UHRF2: variants seen among roughly 807,000 people sequenced by gnomAD.
UHRF2 encodes ubiquitin like with PHD and ring finger domains 2.
In UHRF2, 23 loss-of-function variants were observed where a neutral mutation model predicts 96.8. The observed-to-expected ratio is 0.24, with a 90% CI of 0.17 to 0.34. The LOEUF (loss-of-function observed/expected upper bound fraction) is 0.34. Among genes scored for constraint, UHRF2 ranks in the 10% least tolerant of loss-of-function variants. UHRF2 has a pLI of 1.00. For missense variants in UHRF2, 685 were observed against 981.5 expected (o/e 0.70, Z 4.04); for synonymous variants, 385 against 332.6 (o/e 1.16, Z -1.72).
intron 3 of UHRF2, 173 bp downstream of exon 3, chr9:6,434,346 C>G (rs1587785449): frequency 4.5e-6 from 3 of 665,392 alleles, no homozygotes; most frequent in Admixed American, 3.4e-5. Context: ...CCTTTTAGCT[C>G]TCGATTATCT....
intron 9 of UHRF2, 83 bp from the exon 10 acceptor site, chr9:6,493,743 T>C: frequency 8.3e-7 from 1 of 1,205,802 alleles, no homozygotes; most frequent in South Asian, 1.6e-5. Flanking sequence ...AACATCCTAA[T>C]GAAATGTTTT....
chr9:6,500,855 ATC>A (rs1816254980), intron 14 of UHRF2, 146 bp downstream of exon 14: 3 of 717,488 alleles, frequency 4.2e-6, no homozygotes, highest in Non-Finnish European at 6.6e-6. Context: ...TTCAGAAATA[ATC>A]TGAGGCAACA....
At chr9:6,500,861 G>A (rs1816255334) in intron 14 of UHRF2, 152 bp downstream of exon 14, 1 of 690,636 alleles carries the variant, frequency 1.4e-6, no homozygotes. Context: ...AATAATCTGA[G>A]GCAACACATA....
chr9:6,503,534 CATT>C (rs1176311952), intron 14 of UHRF2, among the ~76,000 whole-genome samples: 1 of 151,900 alleles, frequency 6.6e-6, no homozygotes, highest in Non-Finnish European at 1.5e-5. Context: ...TGTAAATAAA[CATT>C]AGCATCAGGA....
intron 9 of UHRF2, among the ~76,000 whole-genome samples, chr9:6,491,752 C>A (rs1824671451): frequency 6.6e-6 from 1 of 152,098 alleles, no homozygotes; most frequent in African/African-American, 2.4e-5. Flanking sequence ...GTGCTGTGTC[C>A]CTTGTGCAGA....
chr9:6,467,825 T>C (rs1822971331), intron 4 of UHRF2, among the ~76,000 whole-genome samples: 1 of 152,110 alleles, frequency 6.6e-6, no homozygotes, highest in African/African-American at 2.4e-5. Flanking sequence ...TCCTAGCTTA[T>C]CATTTAATTC....
chr9:6,438,812 A>G lies in UHRF2; in HGVS notation c.644+4639A>G, dbSNP rs1002390968. 5.9e-5 allele frequency among the ~76,000 whole-genome samples: 9 copies of G among 152,296 alleles called. No individual in the cohort carries two copies. In the East Asian group the frequency reaches 1.7e-3, roughly 29 times the overall value. ...TCATTAAAACAGAATTCGTTGCTGA[A>G]TTAGGCCAAGATAAATAGCTATTCT... is the stretch of plus-strand genomic sequence containing the variant. On this transcript the variant is annotated intron_variant, in intron 3 of 15. Coordinates refer to ENST00000276893, the MANE Select transcript of UHRF2 (RefSeq NM_152896.3).
Position 6,421,014 on chromosome 9 carries a change from C to G in UHRF2, c.256C>G (p.Gln86Glu). ...DPDHLPGTSTQIEAKPCSNSP... is the reference protein window; with the variant it reads ...DPDHLPGTSTEIEAKPCSNSP... The stretch of plus-strand genomic sequence containing the variant: ...TGATCATCTTCCTGGCACATCTACA[C>G]AGATTGAGGCTAAACCCTGTTCTAA... The change falls in exon 2 of 16, where the codon CAG (glutamine) becomes GAG (glutamate). Residue 86 changes from glutamine to glutamate, a missense_variant. By Grantham distance (29) the Gln-to-Glu change is conservative. Transcript: ENST00000276893. 1 of 1,614,158 alleles carries G rather than the reference C, an allele frequency of 6.2e-7. No homozygotes were observed.
chr9:6,457,758 A>G (rs1278550382), intron 3 of UHRF2, among the ~76,000 whole-genome samples: 1 of 152,212 alleles, frequency 6.6e-6, no homozygotes, highest in Non-Finnish European at 1.5e-5. Flanking sequence ...GTCTGTTAAG[A>G]TAATCATGTG....
At chr9:6,468,734 G>C (rs1823032197) in intron 4 of UHRF2, 1 of 455,424 alleles carries the variant, frequency 2.2e-6, no homozygotes, top group Non-Finnish European at 4.4e-6. Context: ...AGCAGTCTTA[G>C]AAGGCATACA....
intron 1 of UHRF2, among the ~76,000 whole-genome samples, chr9:6,419,913 T>C (rs1207668152): frequency 6.6e-6 from 1 of 151,916 alleles, no homozygotes; most frequent in African/African-American, 2.4e-5. Context: ...CTACGTTTTT[T>C]TATTTATTTA....
Position 6,434,059 on chromosome 9 carries a change from A to T in UHRF2, c.530A>T (p.Asn177Ile). The change falls in exon 3 of 16, where the codon AAT becomes ATT. Residue 177 changes from asparagine to isoleucine, a missense_variant. Asn to Ile is a moderately radical substitution (Grantham distance 149, BLOSUM62 -3). This residue lies in a region of UHRF2 where 391 missense variants were observed against 437.0 expected (regional missense o/e 0.89). Transcript: ENST00000276893. ...NGSSCKRTNG[N>I]IKHKSKENTN... The stretch of plus-strand genomic sequence containing the variant: ...AGTTCTTGTAAAAGGACTAATGGAA[A>T]TATAAAGCATAAATCCAAAGAGAAC... 6.2e-7 allele frequency: 1 copy of T among 1,614,174 alleles called. No homozygotes were observed. Among genetic ancestry groups the T allele is most frequent in the Non-Finnish European group, 8.5e-7 (1 of 1,180,024 alleles).
At chr9:6,481,563 T>C in intron 6 of UHRF2, 80 bp from the exon 7 acceptor site, 3 of 1,528,360 alleles carry the variant, frequency 2.0e-6, no homozygotes, top group Middle Eastern at 2.4e-4. Flanking sequence ...AACTTGCTCT[T>C]ACCTAGGAAG....
chr9:6,445,423 G>A (rs1315174370), intron 3 of UHRF2, among the ~76,000 whole-genome samples: 2 of 151,892 alleles, frequency 1.3e-5, no homozygotes, highest in Non-Finnish European at 2.9e-5. Flanking sequence ...CACCACATTC[G>A]GCTAATTTTG....
chr9:6,430,539 G>A (rs1017481624), intron 2 of UHRF2, among the ~76,000 whole-genome samples: 8 of 152,146 alleles, frequency 5.3e-5, no homozygotes, highest in Admixed American at 4.6e-4. Context: ...ATAGTAAACA[G>A]CTGATCAGTG....
chr9:6,428,324 C>T (rs568957700), intron 2 of UHRF2, among the ~76,000 whole-genome samples: 1 of 152,070 alleles, frequency 6.6e-6, no homozygotes, highest in African/African-American at 2.4e-5. Context: ...CAGGAACTTA[C>T]CAGGTGCCTC....
intron 2 of UHRF2, 127 bp downstream of exon 2, chr9:6,421,269 C>T: frequency 1.4e-6 from 1 of 730,832 alleles, no homozygotes; most frequent in Non-Finnish European, 2.2e-6. Flanking sequence ...AATATCATAA[C>T]TTTTAAAAGT....
chr9:6,421,119 G>A lies in UHRF2; in HGVS notation c.361G>A (p.Asp121Asn). The A allele has an allele frequency of 6.2e-7, 1 of 1,613,812 alleles. No individual in the cohort carries two copies. Among genetic ancestry groups the A allele is most frequent in the Non-Finnish European group, 8.5e-7 (1 of 1,179,772 alleles). The change falls in exon 2 of 16, where the codon GAT becomes AAT. Residue 121 changes from aspartate to asparagine, a missense_variant. By Grantham distance (23) the Asp-to-Asn change is conservative. Coordinates refer to ENST00000276893, the MANE Select transcript of UHRF2 (RefSeq NM_152896.3). The part of the protein sequence containing the change: ...PSTSARARLI[D>N]PGFGIYKVNE... ...TACATCAGCTCGTGCCCGTCTTATT[G>A]ATCCTGGCTTTGGAATATATAAGGT...
chr9:6,478,982 C>T (rs1350672676), intron 6 of UHRF2, among the ~76,000 whole-genome samples: 1 of 152,188 alleles, frequency 6.6e-6, no homozygotes, highest in African/African-American at 2.4e-5. Context: ...CGCTCTTTCA[C>T]CTGCTCTCAC....
Sources: gnomAD v4.1 joint callset for allele counts (sites outside exome capture counted in the v4.1 genomes callset) on GRCh38, gnomAD v4.1.1 for gene constraint, gnomAD v4.1.1 regional missense constraint, MANE v1.5 for transcripts, NCBI Gene and HGNC (gene_info 2026-07-23, HGNC 2026-07-21) for gene names.